The following TTN variants were observed in gnomAD, a reference collection of about 807,000 sequenced individuals.
The protein encoded by TTN is titin.
A neutral mutation model predicts 3,223.0 loss-of-function variants in TTN; 1,525 were observed. The ratio of observed to expected loss-of-function variants is 0.47; its 90% CI spans 0.45 to 0.49. The LOEUF (loss-of-function observed/expected upper bound fraction) is 0.49, where lower values mean the gene tolerates loss of function less well. Among genes scored for constraint, TTN ranks in the 20% least tolerant of loss-of-function variants. TTN has a pLI of 0.00. For missense variants in TTN, 40,786 were observed against 43,424.0 expected (o/e 0.94, Z 5.40); for synonymous variants, 14,094 against 15,161.0 (o/e 0.93, Z 5.17).
intron 161 of TTN, 59 bp from the exon 162 acceptor site, chr2:178,667,378 G>C: frequency 6.4e-7 from 1 of 1,569,442 alleles, no homozygotes; most frequent in African/African-American, 1.4e-5. Flanking sequence ...ATTATAAAAA[G>C]CATGCAATGT....
rs794729578 is a variant in TTN at position 178,774,438 on chromosome 2, T to C, written c.6826A>G (p.Ile2276Val). ...CCTGAATATGATTCTGGAACTTCTA[T>C]GTCCTGAAGTTCTTTCACAAACTCA... ...VVEFVKELQD[I>V]EVPESYSGEL... is the part of the protein sequence containing the mutation. Residue 2276 changes from isoleucine to valine, a missense_variant, in exon 30 of 363, where the codon ATA becomes GTA. Ile to Val is a conservative substitution (Grantham distance 29). Coordinates refer to ENST00000589042, the MANE Select transcript of TTN (RefSeq NM_001267550.2). The C allele has an allele frequency of 1.2e-6, 2 of 1,613,446 alleles. No homozygotes were observed. Among genetic ancestry groups the C allele is most frequent in the East Asian group, 2.2e-5 (1 of 44,846 alleles).
chr2:178,671,441 A>T (rs1439986478), intron 155 of TTN, among the ~76,000 whole-genome samples: 1 of 151,768 alleles, frequency 6.6e-6, no homozygotes, highest in Non-Finnish European at 1.5e-5. Context: ...CAGATAACTT[A>T]TTTGTGCTAT....
At position 178,651,539 on chromosome 2, in the gene TTN, A is replaced by G. The variant is rs1228301728; in HGVS notation, c.39464-3T>C. ...AACCTCCTTGGGCACCTCGGGCACT[A>G]TAAAAGATATTAGTAGTTGTTTAAG... is the stretch of plus-strand genomic sequence containing the variant. On this transcript the variant is annotated splice_polypyrimidine_tract_variant and splice_region_variant and intron_variant, in intron 206 of 362. Coordinates refer to ENST00000589042, the MANE Select transcript of TTN (RefSeq NM_001267550.2). 3.7e-6 allele frequency: 6 copies of G among 1,612,604 alleles called. No homozygotes were observed. Among genetic ancestry groups the G allele is most frequent in the Non-Finnish European group, 4.2e-6 (5 of 1,179,320 alleles).
Position 178,551,744 on chromosome 2 carries a change from C to T in TTN, c.91156G>A (p.Ala30386Thr). The change falls in exon 335 of 363, where the codon GCC becomes ACC. Residue 30386 changes from alanine (A) to threonine (T), a missense_variant. Transcript: ENST00000589042. ...TSPISGREYR[A>T]TGLVEGLDYQ... ...TCCAGACCTTCTACCAGTCCAGTGG[C>T]TCTATATTCTCTTCCAGAGATTGGT... 2 of 1,613,826 alleles carry T rather than the reference C, an allele frequency of 1.2e-6. No homozygotes were observed. Among genetic ancestry groups the T allele is most frequent in the Non-Finnish European group, 1.7e-6 (2 of 1,179,784 alleles).
rs767818722 is a variant in TTN at position 178,528,693 on chromosome 2, G to A, written c.107058C>T (p.Val35686=). ...TCISKTKEGI[V]KCQYDLTLSK... is the part of the protein sequence containing the mutation. ...TCAGTGTCAAATCATACTGACACTT[G>A]ACGATTCCTTCCTTGGTTTTGCTTA... The change falls in exon 360 of 363, where the codon GTC becomes GTT. Residue 35686 remains valine (V), a synonymous_variant. Transcript: ENST00000589042. 7 of 1,613,400 alleles carry A rather than the reference G, an allele frequency of 4.3e-6. No homozygotes were observed. In the East Asian group the frequency reaches 8.9e-5, roughly 21 times the overall value.
chr2:178,777,961 C>T lies in TTN; in HGVS notation c.4223G>A (p.Arg1408His), dbSNP rs754270707. Residue 1408 changes from arginine to histidine, a missense_variant, in exon 25 of 363, where the codon CGT becomes CAT. Coordinates refer to ENST00000589042, the MANE Select transcript of TTN (RefSeq NM_001267550.2). ...PVSRIRSLSP[R>H]SVSRSPIRMS... ...GCGTATAGGAGACCTGCTCACTGAA[C>T]GTGGAGAGAGAGATCTGCAAAACAA... is the stretch of plus-strand genomic sequence containing the variant. 34 of 1,613,634 alleles carry T rather than the reference C, an allele frequency of 2.1e-5. 1 individual carries two copies. The highest frequency in any genetic ancestry group is 2.1e-4 in the South Asian group (19 of 91,074).
In TTN at chr2:178,750,860, G is replaced by GT. The variant is rs748801726; in HGVS notation, c.11311+2263dup. On this transcript the variant is annotated intron_variant, in intron 47 of 362. Coordinates refer to ENST00000589042, the MANE Select transcript of TTN (RefSeq NM_001267550.2). ...GATATATGTGGATGACTCTCCAATT[G>GT]TAGTATTGGCCATAATTTCTTCCAG... 6.2e-7 allele frequency: 1 copy of GT among 1,612,900 alleles called. No individual in the cohort carries two copies. Among genetic ancestry groups the GT allele is most frequent in the Non-Finnish European group, 8.5e-7 (1 of 1,179,536 alleles).
Position 178,609,590 on chromosome 2 carries a change from T to C in TTN, c.51740-20A>G, listed in dbSNP as rs373530686. ...GGGCATCTATAGTGATCATAACCAA[T>C]AAATGTTTTCAATTCTGATGAAAAT... is the stretch of plus-strand genomic sequence containing the variant. On this transcript the variant is annotated intron_variant, in intron 272 of 362. Coordinates refer to ENST00000589042, the MANE Select transcript of TTN (RefSeq NM_001267550.2). 8.9e-6 allele frequency: 14 copies of C among 1,567,356 alleles called. No homozygotes were observed. The highest frequency in any genetic ancestry group is 1.1e-5 in the Non-Finnish European group (13 of 1,158,342).
Position 178,574,407 on chromosome 2 carries a change from T to C in TTN, c.71725A>G (p.Lys23909Glu), listed in dbSNP as rs557406526. 1 of 1,613,570 alleles carries C rather than the reference T, an allele frequency of 6.2e-7. No homozygotes were observed. Residue 23909 changes from lysine (K) to glutamate (E), a missense_variant, in exon 326 of 363, where the codon AAA becomes GAA. Transcript: ENST00000589042. ...TCTGATGGCTTGCTTGGCTTACTTTTGCCTGCCATGTTTTCTGCAATCACC... is the reference window on the plus strand; with the variant it reads ...TCTGATGGCTTGCTTGGCTTACTTTCGCCTGCCATGTTTTCTGCAATCACC... ...FRVIAENMAG[K>E]SKPSKPSEPM...
rs1343660563 is a variant in TTN at position 178,696,002 on chromosome 2, T to G, written c.31070A>C (p.His10357Pro). ...EIKVEAKKEV[H>P]EEWEEDFEEG... is the part of the protein sequence containing the mutation. ...TTCAAAATCTTCTTCCCATTCCTCG[T>G]GAACTTCTTTTTTAGCTTCTACCTT... Residue 10357 changes from histidine to proline, a missense_variant, in exon 114 of 363, where the codon CAC becomes CCC. Physicochemically the swap from His to Pro is moderately conservative, Grantham distance 77. Coordinates refer to ENST00000589042, the MANE Select transcript of TTN (RefSeq NM_001267550.2). The G allele has an allele frequency of 6.5e-7, 1 of 1,548,816 alleles. No individual in the cohort carries two copies. Among genetic ancestry groups the G allele is most frequent in the Non-Finnish European group, 8.7e-7 (1 of 1,146,132 alleles).
At position 178,546,246 on chromosome 2, in the gene TTN, C is replaced by T; in HGVS notation, c.95085G>A (p.Gly31695=). The T allele has an allele frequency of 6.2e-7, 1 of 1,613,024 alleles. No homozygotes were observed. Among genetic ancestry groups the T allele is most frequent in the Non-Finnish European group, 8.5e-7 (1 of 1,179,144 alleles). The change falls in exon 342 of 363, where the codon GGG becomes GGA. Residue 31695 remains glycine, a synonymous_variant. Transcript: ENST00000589042. ...TGACCATGACAGACACGGCCTTGGT[C>T]CCGCTGGCATTTTTCACTGTTAAAG... ...KYTLTVKNAS[G]TKAVSVMVKV... is the part of the protein sequence containing the mutation.
At chr2:178,617,711 T>C (rs2057618778) in intron 253 of TTN, 68 bp downstream of exon 253, 2 of 1,556,068 alleles carry the variant, frequency 1.3e-6, no homozygotes, top group Non-Finnish European at 8.7e-7. Context: ...TAACTTGATT[T>C]ATTTTAATTG....
chr2:178,633,364 T>C (rs1246486033), intron 232 of TTN, 38 bp from the exon 233 acceptor site: 3 of 1,613,006 alleles, frequency 1.9e-6, no homozygotes, highest in South Asian at 2.2e-5. Context: ...ACTGAACTAA[T>C]AAACTGCAGA....
rs190830121 is a variant in TTN at position 178,602,499 on chromosome 2, G to C, written c.54903C>G (p.Gly18301=). 1,074 of 1,610,838 alleles carry C rather than the reference G, an allele frequency of 6.7e-4. 2 individuals carry two copies. The highest frequency in any genetic ancestry group is 8.2e-4 in the Admixed American group (49 of 59,688). ...LGWKPPAKDG[G]SPIKGYIVEM... ...CTACAATGTATCCTTTGATTGGGCT[G>C]CCACCATCTTTGGCTGGAGGTTTCC... The change falls in exon 283 of 363, where the codon GGC becomes GGG. Residue 18301 remains glycine, a synonymous_variant. Transcript: ENST00000589042.
At position 178,553,699 on chromosome 2, in the gene TTN, T is replaced by A. The variant is rs1343373479; in HGVS notation, c.89306A>T (p.Tyr29769Phe). The A allele has an allele frequency of 6.2e-7, 1 of 1,613,834 alleles. No homozygotes were observed. ...CTCTCCTTGTCTTATCTCGACAACATACCCAGTAACAGCACTGCCCCCATC... is the reference window on the plus strand; with the variant it reads ...CTCTCCTTGTCTTATCTCGACAACAAACCCAGTAACAGCACTGCCCCCATC... ...VYDGGSAVTG[Y>F]VVEIRQGEEE... The change falls in exon 334 of 363, where the codon TAT becomes TTT. Residue 29769 changes from tyrosine to phenylalanine, a missense_variant. Coordinates refer to ENST00000589042, the MANE Select transcript of TTN (RefSeq NM_001267550.2).
At chr2:178,553,870 A>C (rs1700291456) in intron 333 of TTN, 44 bp downstream of exon 333, 6 of 1,564,044 alleles carry the variant, frequency 3.8e-6, no homozygotes, top group Non-Finnish European at 5.2e-6. Context: ...ACACAGGTGA[A>C]TATAGAAGAC....
chr2:178,615,160 A>C (rs753650540), intron 259 of TTN, 147 bp downstream of exon 259: 38 of 1,069,042 alleles, frequency 3.6e-5, no homozygotes, highest in Non-Finnish European at 5.0e-5. Context: ...CAGGCAGTAC[A>C]TTCAGCAGCA....
At position 178,547,395 on chromosome 2, in the gene TTN, T is replaced by A. The variant is rs778970159; in HGVS notation, c.94219+12A>T. The A allele has an allele frequency of 1.3e-6, 2 of 1,586,050 alleles. No individual in the cohort carries two copies. Among genetic ancestry groups the A allele is most frequent in the African/African-American group, 1.4e-5 (1 of 73,784 alleles). ...AATAGAGACTTTGAAATAGGATTTT[T>A]ATTTTTCTTACCAAATGGATGTTCA... On this transcript the variant is annotated intron_variant, in intron 339 of 362. Transcript: ENST00000589042.
intron 340 of TTN, 37 bp from the exon 341 acceptor site, chr2:178,546,942 C>A (rs2154146258): frequency 1.3e-6 from 2 of 1,577,820 alleles, no homozygotes; most frequent in Non-Finnish European, 1.7e-6. Context: ...AAATATACCA[C>A]TCTGAGTTCT....
Sources: gnomAD v4.1 joint callset for allele counts (sites outside exome capture counted in the v4.1 genomes callset) on GRCh38, gnomAD v4.1.1 for gene constraint, MANE v1.5 for transcripts, NCBI Gene and HGNC (gene_info 2026-07-23, HGNC 2026-07-21) for gene names.